The following CACNA1C variants were observed in gnomAD, a reference collection of about 807,000 sequenced individuals.
CACNA1C encodes calcium voltage-gated channel subunit alpha1 C.
CACNA1C carries 30 observed loss-of-function variants against 229.0 expected under a neutral mutation model. The ratio of observed to expected loss-of-function variants is 0.13; its 90% CI spans 0.10 to 0.18. The LOEUF (loss-of-function observed/expected upper bound fraction) is 0.18. Among genes scored for constraint, CACNA1C ranks in the 10% least tolerant of loss-of-function variants. The pLI, the probability that CACNA1C is intolerant of heterozygous loss-of-function variation, is 1.00. For missense variants in CACNA1C, 1,658 were observed against 2,845.0 expected, an observed-to-expected ratio of 0.58 and a Z score of 9.49; for synonymous variants, 1,114 against 1,132.5, an observed-to-expected ratio of 0.98 and a Z score of 0.33.
intron 3 of CACNA1C, among the ~76,000 whole-genome samples, chr12:2,239,828 C>T (rs113661801): frequency 0.013 from 1,954 of 152,194 alleles, 47 homozygotes; most frequent in African/African-American, 0.045. Flanking sequence ...CTGCGGGGGG[C>T]GGTGAAGGCT....
rs2090781120 is a variant in CACNA1C at position 2,632,262 on chromosome 12, C to T, written c.3829-2035C>T. 1.3e-5 allele frequency among the ~76,000 whole-genome samples: 2 copies of T among 149,254 alleles called. No individual in the cohort carries two copies. The highest frequency in any genetic ancestry group is 2.2e-4 in the South Asian group (1 of 4,576). ...AGTACTCGGTCCTTCCCCCTCCACCCATGGGGAATATGACCGCCTGTAGCT... is the reference window on the plus strand; with the variant it reads ...AGTACTCGGTCCTTCCCCCTCCACCTATGGGGAATATGACCGCCTGTAGCT... On this transcript the variant is annotated intron_variant, in intron 29 of 46. Coordinates refer to ENST00000399655, the MANE Select transcript of CACNA1C (RefSeq NM_000719.7). The surrounding 1 kb of genome is among the most constrained non-coding windows in gnomAD (Gnocchi z 4.1).
intron 1 of CACNA1C, among the ~76,000 whole-genome samples, chr12:2,094,336 G>A (rs201975776): frequency 9.2e-5 from 14 of 152,254 alleles, no homozygotes; most frequent in South Asian, 8.3e-4. Context: ...CATTAGCCAC[G>A]TTTGTTGAGA....
At chr12:2,411,096 C>A (rs539771966) in intron 3 of CACNA1C, among the ~76,000 whole-genome samples, 2 of 152,124 alleles carry the variant, frequency 1.3e-5, no homozygotes, top group Non-Finnish European at 2.9e-5. Context: ...CCAACTGCTC[C>A]GCCCGTGTAT....
Position 2,605,253 on chromosome 12 carries a change from AGAT to A in CACNA1C, c.3048+90_3048+92del, listed in dbSNP as rs1320815212. 3.2e-6 allele frequency: 3 copies of A among 950,936 alleles called. No homozygotes were observed. In the South Asian group the frequency reaches 4.1e-5, roughly 13 times the overall value. The allele number at this position is 950,936 out of a possible 1,614,324, so 58.9% of individuals were successfully genotyped here. On this transcript the variant is annotated intron_variant, in intron 23 of 46. Transcript: ENST00000399655. The surrounding 1 kb of genome is among the most constrained non-coding windows in gnomAD (Gnocchi z 6.2). ...CAGAGGTGAGGGGTGGGTTGGAAGG[AGAT>A]GATGGTCAGACCAAGTGGCTGCCAT...
At chr12:2,208,154 T>C (rs2097807384) in intron 3 of CACNA1C, among the ~76,000 whole-genome samples, 4 of 152,200 alleles carry the variant, frequency 2.6e-5, no homozygotes, top group African/African-American at 9.7e-5. Context: ...GTACCTGTCA[T>C]GCACAGGTGC....
At chr12:2,119,739 G>A (rs920898598) in intron 2 of CACNA1C, among the ~76,000 whole-genome samples, 1 of 152,336 alleles carries the variant, frequency 6.6e-6, no homozygotes, top group South Asian at 2.1e-4. Flanking sequence ...CACTCAGGAC[G>A]GACCCCCTGC....
intron 2 of CACNA1C, among the ~76,000 whole-genome samples, chr12:2,117,206 G>A (rs968672984): frequency 1.2e-4 from 18 of 152,232 alleles, no homozygotes; most frequent in Admixed American, 3.9e-4. Context: ...GGGACGAAGA[G>A]GTTGCAGTGA....
At chr12:2,640,345 CT>C (rs2093513724) in intron 30 of CACNA1C, among the ~76,000 whole-genome samples, 1 of 152,226 alleles carries the variant, frequency 6.6e-6, no homozygotes, top group Non-Finnish European at 1.5e-5. Flanking sequence ...GGCTCCTGCA[CT>C]CCTCATTCAG....
intron 1 of CACNA1C, among the ~76,000 whole-genome samples, chr12:2,080,963 A>G (rs931273059): frequency 2.6e-5 from 4 of 152,252 alleles, no homozygotes; most frequent in Non-Finnish European, 5.9e-5. Flanking sequence ...GCATTACTTT[A>G]AAGGATAATG....
intron 5 of CACNA1C, among the ~76,000 whole-genome samples, chr12:2,458,776 G>C (rs2099465684): frequency 1.3e-5 from 2 of 152,078 alleles, no homozygotes; most frequent in Admixed American, 1.3e-4. Context: ...GGAAATGTGA[G>C]GGACTTTATA....
chr12:2,694,510 C>G lies in CACNA1C; in HGVS notation c.*3311C>G, dbSNP rs1322253079. ...TGGAGAATTTTTCCCAGCTTTGATT[C>G]AGAAGGTACTAGTTATAACCCCTTT... On this transcript the variant is annotated 3_prime_UTR_variant, in exon 47 of 47. Transcript: ENST00000399655. The G allele has an allele frequency of 6.6e-6, 1 of 152,250 alleles. No homozygotes were observed. The highest frequency in any genetic ancestry group is 2.4e-5 in the African/African-American group (1 of 41,444). The allele number at this position is 152,250 out of a possible 1,614,324, so 9.4% of individuals were successfully genotyped here.
chr12:2,059,608 TA>T (rs1311569934), intron 1 of CACNA1C, among the ~76,000 whole-genome samples: 3 of 152,136 alleles, frequency 2.0e-5, no homozygotes, highest in African/African-American at 7.2e-5. Context: ...CCTGTGTGTA[TA>T]GGGGGCAAGG....
chr12:1,974,250 C>A (rs1466701771), intron 1 of CACNA1C, among the ~76,000 whole-genome samples: 2 of 152,130 alleles, frequency 1.3e-5, no homozygotes, highest in Non-Finnish European at 2.9e-5. Flanking sequence ...ACTAGATATG[C>A]TAGAATTCTC....
intron 3 of CACNA1C, among the ~76,000 whole-genome samples, chr12:2,363,225 C>A (rs1247618575): frequency 6.6e-6 from 1 of 152,224 alleles, no homozygotes; most frequent in Non-Finnish European, 1.5e-5. Flanking sequence ...CGTAAGGAGA[C>A]AAGCTACCTT....
chr12:2,165,678 G>T lies in CACNA1C; in HGVS notation c.477+45248G>T, dbSNP rs115583227. 3.0e-3 allele frequency among the ~76,000 whole-genome samples: 456 copies of T among 151,930 alleles called. 1 individual carries two copies. Among genetic ancestry groups the T allele is most frequent in the African/African-American group, 0.011 (437 of 41,176 alleles). ...ATCCCTTTCTGTTTAAGTGGAAAAT[G>T]CATGGTGAGTGAACATTACCTTTCA... On this transcript the variant is annotated intron_variant, in intron 3 of 46. Transcript: ENST00000399655.
At chr12:2,336,083 T>G (rs1216509424) in intron 3 of CACNA1C, among the ~76,000 whole-genome samples, 1 of 151,262 alleles carries the variant, frequency 6.6e-6, no homozygotes, top group Non-Finnish European at 1.5e-5. Flanking sequence ...AAAATTTCCT[T>G]ACTATTTTAA....
chr12:2,172,090 C>T (rs796438962), intron 3 of CACNA1C, among the ~76,000 whole-genome samples: 2 of 152,174 alleles, frequency 1.3e-5, no homozygotes, highest in Non-Finnish European at 2.9e-5. Flanking sequence ...GCCTAGAAAC[C>T]GCCTCAGTGT....
chr12:2,565,419 A>G (rs1166237898), intron 11 of CACNA1C, among the ~76,000 whole-genome samples: 2 of 147,004 alleles, frequency 1.4e-5, no homozygotes, highest in Middle Eastern at 3.6e-3. Context: ...GTGAGCCGAG[A>G]TTGCGCCACT....
intron 5 of CACNA1C, among the ~76,000 whole-genome samples, chr12:2,473,212 T>C (rs967486173): frequency 1.5e-4 from 23 of 152,206 alleles, no homozygotes; most frequent in Admixed American, 3.3e-4. Context: ...ATATGCCTCA[T>C]TGGTTTCACC....
Sources: gnomAD v4.1 joint callset for allele counts (sites outside exome capture counted in the v4.1 genomes callset) on GRCh38, gnomAD v4.1.1 for gene constraint, Gnocchi (gnomAD v3.1) non-coding constraint, MANE v1.5 for transcripts, NCBI Gene and HGNC (gene_info 2026-07-23, HGNC 2026-07-21) for gene names.